Variants in PRDM8 observed in about 807,000 individuals in gnomAD.
The protein encoded by PRDM8 is PR/SET domain 8, also known as PR domain zinc finger protein 8.
Under a neutral mutation model 46.5 loss-of-function variants are expected in PRDM8, and 13 were observed. The observed-to-expected ratio is 0.28, with a 90% CI of 0.18 to 0.44. The LOEUF (loss-of-function observed/expected upper bound fraction) is 0.44. PRDM8 is among the 20% of genes least tolerant of loss of function. PRDM8 has a pLI of 1.00. For synonymous variants in PRDM8, 473 were observed against 438.4 expected, an observed-to-expected ratio of 1.08 and a Z score of -0.98; for missense variants, 998 against 955.0, an observed-to-expected ratio of 1.04 and a Z score of -0.59.
In PRDM8 at chr4:80,200,237, G is replaced by A; in HGVS notation, c.157G>A (p.Asp53Asn). Residue 53 changes from aspartate to asparagine, a missense_variant, in exon 2 of 4, where the codon GAC (aspartate) becomes AAC (asparagine). Coordinates refer to ENST00000415738, the MANE Select transcript of PRDM8 (RefSeq NM_001099403.2). The stretch of plus-strand genomic sequence containing the variant: ...TGTCCTGAGCCATACTTCCCTATAT[G>A]ACAGCATAGCTTTCATAGCTCTCAA... ...PCVLSHTSLYDSIAFIALKST... is the reference protein window; with the variant it reads ...PCVLSHTSLYNSIAFIALKST... 7 of 1,614,070 alleles carry A rather than the reference G, an allele frequency of 4.3e-6. No homozygotes were observed. Among genetic ancestry groups the A allele is most frequent in the Non-Finnish European group, 5.1e-6 (6 of 1,180,000 alleles).
In PRDM8 at chr4:80,203,235, C is replaced by G. The variant is rs760338601; in HGVS notation, c.1773C>G (p.Ala591=). The part of the protein sequence containing the change: ...FWPKSSAAAA[A]AAAAAAAGPL... Reference sequence around the variant, plus strand: ...CCAAGAGCTCCGCTGCCGCTGCAGCCGCGGCTGCGGCGGCGGCCGCGGGGC... The same window carrying G: ...CCAAGAGCTCCGCTGCCGCTGCAGCGGCGGCTGCGGCGGCGGCCGCGGGGC... Residue 591 remains alanine (A), a synonymous_variant, in exon 4 of 4, where the codon GCC becomes GCG. Coordinates refer to ENST00000415738, the MANE Select transcript of PRDM8 (RefSeq NM_001099403.2). The G allele has an allele frequency of 5.8e-6, 9 of 1,555,146 alleles. No individual in the cohort carries two copies. The highest frequency in any genetic ancestry group is 7.8e-6 in the Non-Finnish European group (9 of 1,152,106).
chr4:80,198,736 T>C (rs1233948026), intron 1 of PRDM8, among the ~76,000 whole-genome samples: 1 of 152,152 alleles, frequency 6.6e-6, no homozygotes, highest in Non-Finnish European at 1.5e-5. Context: ...GTTAACTGGT[T>C]AATATAAATT....
chr4:80,199,192 G>A (rs1174497091), intron 1 of PRDM8, among the ~76,000 whole-genome samples: 3 of 151,968 alleles, frequency 2.0e-5, no homozygotes, highest in Non-Finnish European at 4.4e-5. Context: ...GTCATATGGG[G>A]TAGGGGGAGT....
At position 80,197,641 on chromosome 4, in the gene PRDM8, G is replaced by A. The variant is rs1738065729; in HGVS notation, c.-125G>A. On this transcript the variant is annotated 5_prime_UTR_variant, in exon 1 of 4. Transcript: ENST00000415738. Reference sequence around the variant, plus strand: ...TCTCTTCAGGAAGAGCCTAAAAGGCGGCAACACCAACACCTCTTGACATGG... The same window carrying A: ...TCTCTTCAGGAAGAGCCTAAAAGGCAGCAACACCAACACCTCTTGACATGG... The A allele has an allele frequency of 2.0e-6, 2 of 982,460 alleles. No homozygotes were observed. Among genetic ancestry groups the A allele is most frequent in the South Asian group, 4.7e-5 (1 of 21,192 alleles). 60.9% of individuals were successfully genotyped at this position (982,460 alleles called of 1,614,324 possible).
At chr4:80,195,596 T>C (rs1226215353), upstream of PRDM8, among the ~76,000 whole-genome samples, 2 of 151,684 alleles carry the variant, frequency 1.3e-5, no homozygotes, top group African/African-American at 2.4e-5. Flanking sequence ...CAGAAGACAA[T>C]TGGTAGCTCA....
At chr4:80,188,897 G>A (rs1483644268) in intron 1 of PRDM8, among the ~76,000 whole-genome samples, 2 of 152,244 alleles carry the variant, frequency 1.3e-5, no homozygotes, top group African/African-American at 4.8e-5. Context: ...TGCGGGCGCT[G>A]GGACAAGGAG....
upstream of PRDM8, chr4:80,197,434 C>G (rs1738047299): frequency 1.0e-6 from 1 of 985,366 alleles, no homozygotes. Context: ...AGGGAGGGGA[C>G]GTGGGCTGTC....
At chr4:80,187,454 A>G (rs1737203281) in intron 1 of PRDM8, among the ~76,000 whole-genome samples, 1 of 152,174 alleles carries the variant, frequency 6.6e-6, no homozygotes, top group African/African-American at 2.4e-5. Flanking sequence ...TTGGTAATGC[A>G]GGTATGCTTC....
At chr4:80,201,195 A>G in intron 2 of PRDM8, 95 bp from the exon 3 acceptor site, 2 of 1,222,348 alleles carry the variant, frequency 1.6e-6, no homozygotes, top group South Asian at 2.7e-5. Flanking sequence ...AGACTAACAT[A>G]GAAGAAATGG....
chr4:80,198,979 GGTTTTTTTTTTTTTGTTT>G (rs1343209107), intron 1 of PRDM8, among the ~76,000 whole-genome samples: 5 of 113,510 alleles, frequency 4.4e-5, no homozygotes, highest in South Asian at 6.7e-4. Flanking sequence ...GGTTTTTTTG[GGTTTTTTTTTTTTTGTTT>G]TTTTTTTTTT....
chr4:80,201,504 C>A lies in PRDM8; in HGVS notation c.434C>A (p.Ser145Tyr), dbSNP rs987237380. The change falls in exon 3 of 4, where the codon TCC becomes TAC. Residue 145 changes from serine to tyrosine, a missense_variant. Coordinates refer to ENST00000415738, the MANE Select transcript of PRDM8 (RefSeq NM_001099403.2). ...TTACTCTTGCTCTGCCCCTCTAGAT[C>A]CCACAACAAAATGAATGGTAGGTTG... ...TELLLLCPSR[S>Y]HNKMNGSSPY... 6.2e-7 allele frequency: 1 copy of A among 1,613,866 alleles called. No individual in the cohort carries two copies. Among genetic ancestry groups the A allele is most frequent in the Admixed American group, 1.7e-5 (1 of 60,000 alleles).
chr4:80,188,183 T>C (rs1737270546), intron 1 of PRDM8, among the ~76,000 whole-genome samples: 2 of 152,052 alleles, frequency 1.3e-5, no homozygotes, highest in African/African-American at 2.4e-5. Context: ...AGGAAAAAAA[T>C]TGGGAGGAGA....
At position 80,202,911 on chromosome 4, in the gene PRDM8, A is replaced by G. The variant is rs1738649324; in HGVS notation, c.1449A>G (p.Ala483=). 8 of 1,341,896 alleles carry G rather than the reference A, an allele frequency of 6.0e-6. No homozygotes were observed. The highest frequency in any genetic ancestry group is 5.7e-6 in the Non-Finnish European group (6 of 1,057,750). 83.1% of individuals were successfully genotyped at this position (1,341,896 alleles called of 1,614,324 possible). The change falls in exon 4 of 4, where the codon GCA becomes GCG. Residue 483 remains alanine (A), a synonymous_variant. Transcript: ENST00000415738. ...SGGGGTGAGA[A]GGAGGGQGAA... Reference sequence around the variant, plus strand: ...GGGGCGGAACGGGCGCCGGGGCCGCAGGCGGCGCGGGCGGGGGCCAGGGCG... The same window carrying G: ...GGGGCGGAACGGGCGCCGGGGCCGCGGGCGGCGCGGGCGGGGGCCAGGGCG...
Position 80,202,487 on chromosome 4 carries a change from C to A in PRDM8, c.1025C>A (p.Pro342Gln), listed in dbSNP as rs1236884779. 7.1e-6 allele frequency: 11 copies of A among 1,542,226 alleles called. No homozygotes were observed. The East Asian group carries it at 2.7e-4, about 38-fold the overall frequency. ...GGCCGCTTCGTAGAGCGGCCCCTCC[C>A]GGCCTCCAAGGAGGATCTGGTGTGC... Reference protein sequence around the residue: ...GRGRFVERPLPASKEDLVCTP... With the variant: ...GRGRFVERPLQASKEDLVCTP... Residue 342 changes from proline to glutamine, a missense_variant, in exon 4 of 4, where the codon CCG (proline) becomes CAG (glutamine). Coordinates refer to ENST00000415738, the MANE Select transcript of PRDM8 (RefSeq NM_001099403.2).
At chr4:80,191,697 C>G (rs1226947895) in intron 2 of PRDM8, 3 of 152,210 alleles carry the variant, frequency 2.0e-5, no homozygotes, top group Non-Finnish European at 2.9e-5. Flanking sequence ...TGGTAGCTTT[C>G]AAGTGTTTTT....
At chr4:80,197,135 G>C, upstream of PRDM8, 1 of 985,492 alleles carries the variant, frequency 1.0e-6, no homozygotes, top group Non-Finnish European at 1.2e-6. Flanking sequence ...CACGGGGTCC[G>C]CACGCGCTGG....
In PRDM8 at chr4:80,202,659, G is replaced by A. The variant is rs1474812924; in HGVS notation, c.1197G>A (p.Gln399=). The A allele has an allele frequency of 6.0e-6, 9 of 1,487,836 alleles. No individual in the cohort carries two copies. The highest frequency in any genetic ancestry group is 2.6e-5 in the South Asian group (2 of 78,380). The allele number at this position is 1,487,836 out of a possible 1,614,324, so 92.2% of individuals were successfully genotyped here. ...AGGCTGCCCGCGCGGCCAGCCTGCA[G>A]GAGGAGGGGACAGCCGACGGCGCGG... is the stretch of plus-strand genomic sequence containing the variant. The part of the protein sequence containing the change: ...VKKAARAASL[Q]EEGTADGAGV... The change falls in exon 4 of 4, where the codon CAG becomes CAA. Residue 399 remains glutamine, a synonymous_variant. Transcript: ENST00000415738.
At chr4:80,198,208 G>A (rs1738116634) in intron 1 of PRDM8, among the ~76,000 whole-genome samples, 1 of 152,252 alleles carries the variant, frequency 6.6e-6, no homozygotes, top group Non-Finnish European at 1.5e-5. Flanking sequence ...GGCGCCTGGC[G>A]CTGCGACTCC....
upstream of PRDM8, among the ~76,000 whole-genome samples, chr4:80,195,411 T>G (rs1316426091): frequency 2.0e-5 from 3 of 152,198 alleles, no homozygotes; most frequent in Non-Finnish European, 4.4e-5. Context: ...TGAGGTTTAT[T>G]TTCCAGATGT....
Sources: allele counts gnomAD v4.1 joint callset (sites outside exome capture counted in the v4.1 genomes callset), GRCh38; gene constraint gnomAD v4.1.1; transcripts MANE v1.5; gene names NCBI Gene and HGNC (gene_info 2026-07-23, HGNC 2026-07-21).